The following KCTD16 variants were observed in gnomAD, a reference collection of about 807,000 sequenced individuals.
KCTD16 encodes the protein potassium channel tetramerization domain containing 16, also known as BTB/POZ domain-containing protein KCTD16.
Under a neutral mutation model 33.2 loss-of-function variants are expected in KCTD16, and 13 were observed. That is an observed-to-expected ratio of 0.39 (90% CI 0.25 to 0.62). KCTD16 has a LOEUF of 0.62. Ranked by LOEUF, KCTD16 falls within the 20% of genes least tolerant of loss-of-function variation. The pLI is 0.50. For missense variants in KCTD16, 441 were observed against 525.1 expected, an observed-to-expected ratio of 0.84 and a Z score of 1.57; for synonymous variants, 197 against 195.3, an observed-to-expected ratio of 1.01 and a Z score of -0.07.
chr5:144,346,151 C>G (rs1023248331), intron 3 of KCTD16, among the ~76,000 whole-genome samples: 1 of 152,066 alleles, frequency 6.6e-6, no homozygotes, highest in Non-Finnish European at 1.5e-5. Context: ...GCATAATGCT[C>G]CCCAGTTCCA....
chr5:144,220,892 G>A (rs1206792514), intron 3 of KCTD16, among the ~76,000 whole-genome samples: 1 of 149,926 alleles, frequency 6.7e-6, no homozygotes, highest in Non-Finnish European at 1.5e-5. Context: ...AGTGAGCCGA[G>A]ATCACGCCAC....
intron 3 of KCTD16, among the ~76,000 whole-genome samples, chr5:144,259,546 C>T (rs1754949257): frequency 6.6e-6 from 1 of 152,164 alleles, no homozygotes; most frequent in Middle Eastern, 3.2e-3. Context: ...CCAAACCTGT[C>T]TTCTTTTATT....
chr5:144,212,044 G>A (rs192705080), intron 3 of KCTD16, among the ~76,000 whole-genome samples: 1 of 152,116 alleles, frequency 6.6e-6, no homozygotes, highest in African/African-American at 2.4e-5. Flanking sequence ...TGTGGATCAG[G>A]CATCCTTTTA....
intron 3 of KCTD16, among the ~76,000 whole-genome samples, chr5:144,300,551 T>A (rs1184175810): frequency 1.3e-5 from 2 of 152,198 alleles, no homozygotes; most frequent in Non-Finnish European, 2.9e-5. Context: ...ACACAAGTTA[T>A]AACTGACCTT....
At chr5:144,256,238 G>GT (rs1461899283) in intron 3 of KCTD16, among the ~76,000 whole-genome samples, 1 of 152,180 alleles carries the variant, frequency 6.6e-6, no homozygotes, top group African/African-American at 2.4e-5. Context: ...AACAAAAAAG[G>GT]TGCAACGATG....
intron 3 of KCTD16, among the ~76,000 whole-genome samples, chr5:144,398,623 A>C (rs1386059646): frequency 6.6e-6 from 1 of 152,132 alleles, no homozygotes; most frequent in Admixed American, 6.6e-5. Flanking sequence ...GCTTGGCTAC[A>C]TATAAAAATG....
chr5:144,178,447 GAC>G (rs772545540), intron 2 of KCTD16, among the ~76,000 whole-genome samples: 1 of 152,028 alleles, frequency 6.6e-6, no homozygotes, highest in African/African-American at 2.4e-5. Flanking sequence ...TTTAAACAGA[GAC>G]ATGTGAAATC....
intron 3 of KCTD16, among the ~76,000 whole-genome samples, chr5:144,437,023 A>C (rs1753595135): frequency 6.6e-6 from 1 of 152,190 alleles, no homozygotes; most frequent in South Asian, 2.1e-4. Flanking sequence ...AAGCAAAAAG[A>C]ATGTTACTGA....
chr5:144,455,392 C>T (rs1754038284), intron 3 of KCTD16, among the ~76,000 whole-genome samples: 1 of 152,026 alleles, frequency 6.6e-6, no homozygotes, highest in Non-Finnish European at 1.5e-5. Flanking sequence ...TGCAACAGTA[C>T]TTATTTTTAC....
At position 144,360,588 on chromosome 5, in the gene KCTD16, C is replaced by T. The variant is rs370915296; in HGVS notation, c.833-113072C>T. 6.7e-4 allele frequency among the ~76,000 whole-genome samples: 102 copies of T among 152,170 alleles called. 1 individual carries two copies. Among genetic ancestry groups the T allele is most frequent in the African/African-American group, 2.3e-3 (97 of 41,524 alleles). ...CTGGGACTACAGGTGCACACCACCA[C>T]GCCCAGCTAATTTTTGTATTTTTAG... On this transcript the variant is annotated intron_variant, in intron 3 of 3. Coordinates refer to ENST00000512467, the MANE Select transcript of KCTD16 (RefSeq NM_020768.4).
chr5:144,268,239 A>G (rs1755199569), intron 3 of KCTD16, among the ~76,000 whole-genome samples: 1 of 152,100 alleles, frequency 6.6e-6, no homozygotes, highest in Non-Finnish European at 1.5e-5. Context: ...TATCCTCCAA[A>G]TGTAGATCAG....
At chr5:144,346,816 CT>C (rs1752813053) in intron 3 of KCTD16, among the ~76,000 whole-genome samples, 1 of 152,130 alleles carries the variant, frequency 6.6e-6, no homozygotes, top group Admixed American at 6.6e-5. Context: ...TGTCTCTTCA[CT>C]TTGTTGATTG....
intron 3 of KCTD16, among the ~76,000 whole-genome samples, chr5:144,250,530 A>G (rs1289184811): frequency 6.6e-6 from 1 of 152,250 alleles, no homozygotes; most frequent in Non-Finnish European, 1.5e-5. Flanking sequence ...GGATACAGAA[A>G]TGCAGAATCT....
intron 3 of KCTD16, among the ~76,000 whole-genome samples, chr5:144,403,547 A>T (rs528612364): frequency 6.6e-6 from 1 of 152,294 alleles, no homozygotes; most frequent in African/African-American, 2.4e-5. Context: ...CATGGAACAG[A>T]TTCTCCCTCT....
At chr5:144,453,460 G>A in intron 3 of KCTD16, among the ~76,000 whole-genome samples, 1 of 152,078 alleles carries the variant, frequency 6.6e-6, no homozygotes, top group Non-Finnish European at 1.5e-5. Flanking sequence ...ATTTTCATAA[G>A]AGTCTGAAAG....
intron 2 of KCTD16, among the ~76,000 whole-genome samples, chr5:144,193,996 G>T (rs192617193): frequency 1.3e-5 from 2 of 152,098 alleles, no homozygotes; most frequent in Admixed American, 6.6e-5. Context: ...CTTAGGACTC[G>T]AGTGTAAGGT....
intron 3 of KCTD16, among the ~76,000 whole-genome samples, chr5:144,328,967 A>AT (rs1752283809): frequency 6.6e-6 from 1 of 151,342 alleles, no homozygotes; most frequent in South Asian, 2.1e-4. Flanking sequence ...TCTGTATTTA[A>AT]TTTTTTATTG....
chr5:144,383,769 G>A (rs1752266282), intron 3 of KCTD16, among the ~76,000 whole-genome samples: 2 of 152,032 alleles, frequency 1.3e-5, no homozygotes, highest in South Asian at 4.1e-4. Context: ...GCATTATCAT[G>A]ACCAGCCATA....
chr5:144,283,858 G>A (rs1046638717), intron 3 of KCTD16, among the ~76,000 whole-genome samples: 10 of 152,288 alleles, frequency 6.6e-5, no homozygotes, highest in African/African-American at 2.2e-4. Context: ...GGTTGTATCA[G>A]TAAGTATCCA....
Sources: allele counts gnomAD v4.1 joint callset (sites outside exome capture counted in the v4.1 genomes callset), GRCh38; gene constraint gnomAD v4.1.1; transcripts MANE v1.5; gene names NCBI Gene and HGNC (gene_info 2026-07-23, HGNC 2026-07-21).